Variants in HHAT observed in about 807,000 individuals in gnomAD.
The protein encoded by HHAT is protein-cysteine N-palmitoyltransferase HHAT.
In HHAT, 47 loss-of-function variants were observed where a neutral mutation model predicts 70.8. That is an observed-to-expected ratio of 0.66 (90% CI 0.53 to 0.85). HHAT has a LOEUF of 0.85. HHAT is among the 40% of genes least tolerant of loss of function. The pLI, the probability that HHAT is intolerant of heterozygous loss-of-function variation, is 0.00. For synonymous variants in HHAT, 228 were observed against 247.6 expected (o/e 0.92, Z 0.74); for missense variants, 609 against 604.8 (o/e 1.01, Z -0.07).
At chr1:210,388,557 T>A (rs2091245335) in intron 4 of HHAT, among the ~76,000 whole-genome samples, 1 of 152,180 alleles carries the variant, frequency 6.6e-6, no homozygotes. Flanking sequence ...TACTGATTTT[T>A]TTTTTGTACT....
chr1:210,636,408 C>G (rs994779260), intron 11 of HHAT, among the ~76,000 whole-genome samples: 10 of 152,140 alleles, frequency 6.6e-5, no homozygotes, highest in African/African-American at 2.4e-4. Flanking sequence ...TTTTTGAGGT[C>G]CACCTGTTAG....
chr1:210,670,204 G>A (rs1679797024), intron 11 of HHAT, among the ~76,000 whole-genome samples: 1 of 152,166 alleles, frequency 6.6e-6, no homozygotes, highest in Non-Finnish European at 1.5e-5. Flanking sequence ...TTGAGCTGCT[G>A]ATGAAGATGA....
chr1:210,445,674 C>T (rs990184300), intron 7 of HHAT, among the ~76,000 whole-genome samples: 7 of 152,180 alleles, frequency 4.6e-5, no homozygotes, highest in African/African-American at 1.7e-4. Context: ...AAGGTAGTGT[C>T]ATTTTTCTTT....
rs1427055650 is a variant in HHAT at position 210,386,243 on chromosome 1, T to C, written c.160-1225T>C. 4.7e-5 allele frequency among the ~76,000 whole-genome samples: 5 copies of C among 107,464 alleles called. 1 individual carries two copies. Among genetic ancestry groups the C allele is most frequent in the Non-Finnish European group, 7.7e-5 (4 of 51,830 alleles). 70.5% of individuals were successfully genotyped at this position (107,464 alleles called of 152,430 possible). A position where few individuals can be genotyped will look rare whatever the true frequency, so the allele number is the denominator to read the frequency against. On this transcript the variant is annotated intron_variant, in intron 3 of 11. Coordinates refer to ENST00000261458, the MANE Select transcript of HHAT (RefSeq NM_018194.6). ...TTTTCTTTTTTTCTTTTTTTTTTTT[T>C]TTTTTTTTTTTTTGAGACAGAGTCT...
At chr1:210,589,928 T>TA (rs1661289833) in intron 10 of HHAT, 2 of 152,230 alleles carry the variant, frequency 1.3e-5, no homozygotes, top group African/African-American at 4.8e-5. Flanking sequence ...ATATTTGTCT[T>TA]ATATGTTGCA....
intron 11 of HHAT, chr1:210,631,100 T>A (rs1268388535): frequency 4.4e-6 from 2 of 456,736 alleles, no homozygotes; most frequent in Non-Finnish European, 8.8e-6. Context: ...TGGCTACCTT[T>A]GTTCCCAACT....
At chr1:210,555,958 C>G (rs776095334) in intron 9 of HHAT, among the ~76,000 whole-genome samples, 185 of 152,072 alleles carry the variant, frequency 1.2e-3, no homozygotes, top group Non-Finnish European at 1.9e-3. Flanking sequence ...GTTTGGAGGC[C>G]CTGTTTTTGA....
intron 8 of HHAT, among the ~76,000 whole-genome samples, chr1:210,494,241 C>T (rs1373152571): frequency 6.6e-6 from 1 of 152,090 alleles, no homozygotes; most frequent in African/African-American, 2.4e-5. Context: ...AGTGATGTGT[C>T]TTGGGTCTTT....
chr1:210,662,686 C>G (rs576451346), intron 11 of HHAT, among the ~76,000 whole-genome samples: 1 of 151,910 alleles, frequency 6.6e-6, no homozygotes, highest in Admixed American at 6.6e-5. Flanking sequence ...AGCACCCCTT[C>G]TGCTTGTGCT....
At chr1:210,567,711 T>C (rs1451742011) in intron 9 of HHAT, among the ~76,000 whole-genome samples, 1 of 152,128 alleles carries the variant, frequency 6.6e-6, no homozygotes, top group Admixed American at 6.5e-5. Context: ...ATTTATGTCC[T>C]AGATGGAGAT....
At chr1:210,407,559 T>TAGA (rs1310148774) in intron 6 of HHAT, among the ~76,000 whole-genome samples, 1 of 152,248 alleles carries the variant, frequency 6.6e-6, no homozygotes, top group African/African-American at 2.4e-5. Context: ...GAGGGAGGTA[T>TAGA]AGAAGCGTTG....
intron 8 of HHAT, among the ~76,000 whole-genome samples, chr1:210,511,793 T>TC (rs2148579212): frequency 1.3e-5 from 1 of 78,352 alleles, no homozygotes; most frequent in African/African-American, 4.5e-5. Context: ...TTTTTTTTTT[T>TC]TTTTTTTTTT....
At chr1:210,397,746 A>G (rs1245081124) in intron 4 of HHAT, among the ~76,000 whole-genome samples, 2 of 152,212 alleles carry the variant, frequency 1.3e-5, no homozygotes, top group Non-Finnish European at 2.9e-5. Flanking sequence ...TGAAATGCTT[A>G]GAAAAAGCTC....
chr1:210,344,064 C>T (rs1168508023), intron 1 of HHAT, among the ~76,000 whole-genome samples: 1 of 152,146 alleles, frequency 6.6e-6, no homozygotes, highest in Non-Finnish European at 1.5e-5. Context: ...CCTGCACCAG[C>T]CCACCCCTCC....
At chr1:210,516,365 C>T (rs1278739907) in intron 9 of HHAT, among the ~76,000 whole-genome samples, 2 of 152,088 alleles carry the variant, frequency 1.3e-5, no homozygotes, top group Non-Finnish European at 2.9e-5. Context: ...ATTTAGCCAC[C>T]AGAAGGTCTT....
chr1:210,589,978 T>C (rs941688836), intron 10 of HHAT: 2 of 152,216 alleles, frequency 1.3e-5, no homozygotes, highest in Non-Finnish European at 2.9e-5. Flanking sequence ...AGCAAGAATA[T>C]ATGAAACTTA....
intron 3 of HHAT, among the ~76,000 whole-genome samples, chr1:210,376,851 G>A (rs1445235409): frequency 6.6e-6 from 1 of 152,202 alleles, no homozygotes; most frequent in Non-Finnish European, 1.5e-5. Flanking sequence ...ATTATGGAGG[G>A]TTCCCTTCTT....
In HHAT at chr1:210,399,505, C is replaced by T. The variant is rs112477927; in HGVS notation, c.274-963C>T. The stretch of plus-strand genomic sequence containing the variant: ...CTGACCTCAGGTGATGCACCTGCCT[C>T]GGCCTCCCAAAGTGCTGGGATATCC... On this transcript the variant is annotated intron_variant, in intron 4 of 11. Transcript: ENST00000261458. Among the ~76,000 whole-genome samples the T allele has an allele frequency of 4.5e-3, 692 of 152,172 alleles. 4 individuals carry two copies. Among genetic ancestry groups the T allele is most frequent in the African/African-American group, 0.014 (591 of 41,522 alleles).
chr1:210,360,846 C>CTTTTTTTTTTTTTTT (rs3036585), intron 2 of HHAT, among the ~76,000 whole-genome samples: 1 of 124,302 alleles, frequency 8.0e-6, no homozygotes, highest in Non-Finnish European at 1.6e-5. Flanking sequence ...ATTAACTTCA[C>CTTTTTTTTTTTTTTT]TTTTTTTTTT....
Sources: gnomAD v4.1 joint callset for allele counts (sites outside exome capture counted in the v4.1 genomes callset) on GRCh38, gnomAD v4.1.1 for gene constraint, MANE v1.5 for transcripts, NCBI Gene and HGNC (gene_info 2026-07-23, HGNC 2026-07-21) for gene names.